Variants in RFX3 observed in about 807,000 individuals in gnomAD.
The protein encoded by RFX3 is transcription factor RFX3.
In RFX3, 14 loss-of-function variants were observed where a neutral mutation model predicts 98.6. The ratio of observed to expected loss-of-function variants is 0.14; its 90% CI spans 0.09 to 0.22. The LOEUF (loss-of-function observed/expected upper bound fraction) is 0.22. Ranked by LOEUF, RFX3 falls within the 10% of genes least tolerant of loss-of-function variation. RFX3 has a pLI of 1.00. For missense variants in RFX3, 639 were observed against 926.9 expected (o/e 0.69, Z 4.03); for synonymous variants, 383 against 328.4 (o/e 1.17, Z -1.80).
rs1010742535 is a variant in RFX3, at chr9:3,362,860, T to G, written c.118-16096A>C. Among the ~76,000 whole-genome samples the G allele has an allele frequency of 2.0e-5, 3 of 152,192 alleles. No homozygotes were observed. The East Asian group carries it at 5.8e-4, about 29-fold the overall frequency. The stretch of plus-strand genomic sequence containing the variant: ...CTACTTGGAAGAAGTAAAGCAGGTT[T>G]CAAAGGCGAGAGGGGGAGTGTGTCT... On this transcript the variant is annotated intron_variant, in intron 2 of 16. Transcript: ENST00000617270.
chr9:3,465,424 G>A (rs1433966290), intron 1 of RFX3, among the ~76,000 whole-genome samples: 1 of 151,130 alleles, frequency 6.6e-6, no homozygotes, highest in Admixed American at 6.6e-5. Flanking sequence ...CTTAGTAGCT[G>A]GGATTACAGG....
At chr9:3,392,278 AAACAG>A (rs1840394801) in intron 2 of RFX3, among the ~76,000 whole-genome samples, 1 of 152,156 alleles carries the variant, frequency 6.6e-6, no homozygotes, top group Non-Finnish European at 1.5e-5. Flanking sequence ...AAACAAAACA[AAACAG>A]AACAGAGTAC....
At position 3,220,685 on chromosome 9, in the gene RFX3, T is replaced by C. The variant is rs375042947; in HGVS notation, c.*4357A>G. The C allele has an allele frequency of 1.3e-5, 2 of 152,002 alleles. No homozygotes were observed. Among genetic ancestry groups the C allele is most frequent in the Non-Finnish European group, 2.9e-5 (2 of 67,988 alleles). 9.4% of individuals were successfully genotyped at this position (152,002 alleles called of 1,614,324 possible). A position where few individuals can be genotyped will look rare whatever the true frequency, so the allele number is the denominator to read the frequency against. On this transcript the variant is annotated 3_prime_UTR_variant, in exon 17 of 17. Transcript: ENST00000617270. ...TAATTAGACATTTGGATATAGAGTA[T>C]ACTTTACCGGTCTAAGTCTAAATAA...
intron 1 of RFX3, among the ~76,000 whole-genome samples, chr9:3,501,701 G>A (rs974102680): frequency 1.3e-5 from 2 of 151,180 alleles, no homozygotes; most frequent in African/African-American, 2.4e-5. Flanking sequence ...GGATTACAAG[G>A]CATGTATCAC....
intron 16 of RFX3, 21 bp from the exon 17 acceptor site, chr9:3,225,301 A>G (rs1447425689): frequency 6.2e-7 from 1 of 1,610,482 alleles, no homozygotes; most frequent in African/African-American, 1.3e-5. Flanking sequence ...AAATAATACC[A>G]AGACTATCAT....
At chr9:3,412,543 A>G (rs1392257980) in intron 1 of RFX3, among the ~76,000 whole-genome samples, 1 of 152,200 alleles carries the variant, frequency 6.6e-6, no homozygotes, top group African/African-American at 2.4e-5. Flanking sequence ...AAACAAAAAT[A>G]TCATCTTCCT....
intron 2 of RFX3, among the ~76,000 whole-genome samples, chr9:3,376,603 T>A (rs1838526974): frequency 6.6e-6 from 1 of 152,138 alleles, no homozygotes; most frequent in Admixed American, 6.5e-5. Flanking sequence ...GGGATCTAAC[T>A]GAACTAAAGA....
chr9:3,515,385 T>G (rs763963091), intron 1 of RFX3, among the ~76,000 whole-genome samples: 2 of 152,214 alleles, frequency 1.3e-5, no homozygotes, highest in African/African-American at 4.8e-5. Flanking sequence ...CAAAAATAGA[T>G]GTATTCTGCA....
intron 1 of RFX3, among the ~76,000 whole-genome samples, chr9:3,468,351 C>T (rs1289640257): frequency 6.6e-6 from 1 of 152,108 alleles, no homozygotes; most frequent in Admixed American, 6.5e-5. Flanking sequence ...GTGCCCCTCA[C>T]CCAGAGCCAA....
At chr9:3,473,111 C>T (rs1355523893) in intron 1 of RFX3, among the ~76,000 whole-genome samples, 1 of 152,080 alleles carries the variant, frequency 6.6e-6, no homozygotes, top group Non-Finnish European at 1.5e-5. Context: ...CTTATATATC[C>T]CTTAAGAATC....
chr9:3,439,281 T>G (rs1209080003), intron 1 of RFX3, among the ~76,000 whole-genome samples: 5 of 151,734 alleles, frequency 3.3e-5, no homozygotes, highest in Non-Finnish European at 5.9e-5. Context: ...CAAGAGTAAA[T>G]CAAGCCTCAA....
intron 1 of RFX3, among the ~76,000 whole-genome samples, chr9:3,519,024 T>C (rs1415585453): frequency 1.3e-5 from 2 of 152,202 alleles, no homozygotes; most frequent in Non-Finnish European, 2.9e-5. Flanking sequence ...CTACATTCAG[T>C]ATAAAGTTTA....
chr9:3,250,835 A>G (rs553005909), intron 14 of RFX3, among the ~76,000 whole-genome samples: 21 of 152,274 alleles, frequency 1.4e-4, no homozygotes, highest in Admixed American at 1.3e-3. Context: ...AGCAAGATAC[A>G]TGAGCTCATT....
At chr9:3,359,449 C>G (rs995017825) in intron 2 of RFX3, among the ~76,000 whole-genome samples, 1 of 151,948 alleles carries the variant, frequency 6.6e-6, no homozygotes, top group Non-Finnish European at 1.5e-5. Context: ...CTCTTCTACC[C>G]AAAGTAAAGT....
chr9:3,249,853 T>C (rs1489053042), intron 14 of RFX3, among the ~76,000 whole-genome samples: 1 of 152,046 alleles, frequency 6.6e-6, no homozygotes, highest in Non-Finnish European at 1.5e-5. Flanking sequence ...TTAGTGTTAA[T>C]AATATATTCA....
In RFX3 at chr9:3,224,991, C is replaced by T. The variant is rs1289379755; in HGVS notation, c.*51G>A. ...AGGCTTATTAAATTTTCAACTTAAG[C>T]CCAATATCAACAGGGTTAATGTAAG... is the stretch of plus-strand genomic sequence containing the variant. On this transcript the variant is annotated 3_prime_UTR_variant, in exon 17 of 17. Transcript: ENST00000617270. 1 of 1,553,214 alleles carries T rather than the reference C, an allele frequency of 6.4e-7. No individual in the cohort carries two copies. Among genetic ancestry groups the T allele is most frequent in the East Asian group, 2.3e-5 (1 of 44,360 alleles).
rs200534632 is a variant in RFX3, at chr9:3,256,339, C to CTT, written c.1814+650_1814+651dup. On this transcript the variant is annotated intron_variant, in intron 14 of 16. Coordinates refer to ENST00000617270, the MANE Select transcript of RFX3 (RefSeq NM_001282116.2). Reference sequence around the variant, plus strand: ...CTTGGGAGGCACCTAGGATTTGTTTCTTTTTTTTTTTTTTTACATTAATTC... The same window carrying CTT: ...CTTGGGAGGCACCTAGGATTTGTTTCTTTTTTTTTTTTTTTTTACATTAATTC... 3.8e-3 allele frequency among the ~76,000 whole-genome samples: 549 copies of CTT among 144,536 alleles called. 2 individuals carry two copies. Among genetic ancestry groups the CTT allele is most frequent in the Non-Finnish European group, 5.7e-3 (377 of 66,062 alleles). The allele number at this position is 144,536 out of a possible 152,430, so 94.8% of individuals were successfully genotyped here.
At chr9:3,360,349 A>G (rs1455370104) in intron 2 of RFX3, among the ~76,000 whole-genome samples, 1 of 152,152 alleles carries the variant, frequency 6.6e-6, no homozygotes. Flanking sequence ...ATAATCTGCA[A>G]TTTCACTAAT....
chr9:3,301,472 A>G, intron 5 of RFX3, 74 bp downstream of exon 5: 1 of 993,166 alleles, frequency 1.0e-6, no homozygotes. Flanking sequence ...AAATAAATAA[A>G]ACAAGCATTT....
Sources: allele counts gnomAD v4.1 joint callset (sites outside exome capture counted in the v4.1 genomes callset), GRCh38; gene constraint gnomAD v4.1.1; transcripts MANE v1.5; gene names NCBI Gene and HGNC (gene_info 2026-07-23, HGNC 2026-07-21).